IMMP2L: variants seen among roughly 807,000 people sequenced by gnomAD.
The protein encoded by IMMP2L is mitochondrial inner membrane protease subunit 2.
A neutral mutation model predicts 19.3 loss-of-function variants in IMMP2L; 18 were observed. The observed-to-expected ratio is 0.93, with a 90% CI of 0.64 to 1.38. IMMP2L has a LOEUF of 1.38. Among genes scored for constraint, IMMP2L ranks in the 40% most tolerant of loss-of-function variants. IMMP2L has a pLI of 0.00. For synonymous variants in IMMP2L, 76 were observed against 73.0 expected (o/e 1.04, Z -0.21); for missense variants, 233 against 218.2 (o/e 1.07, Z -0.43).
At chr7:111,117,076 G>T (rs1799965263) in intron 3 of IMMP2L, among the ~76,000 whole-genome samples, 1 of 151,600 alleles carries the variant, frequency 6.6e-6, no homozygotes, top group South Asian at 2.1e-4. Context: ...AGAAATAATG[G>T]CAGGTAACTA....
chr7:111,336,398 G>A (rs1172579993), intron 3 of IMMP2L, among the ~76,000 whole-genome samples: 1 of 151,804 alleles, frequency 6.6e-6, no homozygotes, highest in Non-Finnish European at 1.5e-5. Flanking sequence ...AATATTATGT[G>A]TTTAAAATGT....
chr7:111,368,543 G>A (rs1266749363), intron 3 of IMMP2L, among the ~76,000 whole-genome samples: 2 of 151,870 alleles, frequency 1.3e-5, no homozygotes, highest in African/African-American at 4.8e-5. Flanking sequence ...GAAAGTTCTT[G>A]CTACCAAGAC....
intron 3 of IMMP2L, among the ~76,000 whole-genome samples, chr7:111,445,236 G>C (rs1838207641): frequency 6.6e-6 from 1 of 151,874 alleles, no homozygotes; most frequent in Non-Finnish European, 1.5e-5. Context: ...CATTGTTTTG[G>C]GCAGACAAAC....
intron 5 of IMMP2L, among the ~76,000 whole-genome samples, chr7:110,808,259 C>A (rs1461917850): frequency 6.6e-6 from 1 of 151,938 alleles, no homozygotes; most frequent in African/African-American, 2.4e-5. Flanking sequence ...TGTTCCAATA[C>A]CCTAGCCCAC....
chr7:111,149,301 C>T (rs1342764336), intron 3 of IMMP2L, among the ~76,000 whole-genome samples: 1 of 152,096 alleles, frequency 6.6e-6, no homozygotes, highest in Non-Finnish European at 1.5e-5. Context: ...ATGAAAAACA[C>T]TGATATTGAA....
At chr7:111,148,909 G>A (rs1034956363) in intron 3 of IMMP2L, among the ~76,000 whole-genome samples, 5 of 152,034 alleles carry the variant, frequency 3.3e-5, no homozygotes, top group Non-Finnish European at 7.4e-5. Context: ...GCTATTCTAT[G>A]AGGTTGGGAC....
chr7:111,540,256 T>C (rs760812997), intron 1 of IMMP2L, among the ~76,000 whole-genome samples: 1 of 152,160 alleles, frequency 6.6e-6, no homozygotes, highest in African/African-American at 2.4e-5. Context: ...TCATAAAACA[T>C]CCAGAAGACC....
At chr7:111,209,933 C>T (rs1299695689) in intron 3 of IMMP2L, among the ~76,000 whole-genome samples, 1 of 152,102 alleles carries the variant, frequency 6.6e-6, no homozygotes, top group Non-Finnish European at 1.5e-5. Flanking sequence ...TGCCTATTAG[C>T]CCTGTTCCAG....
chr7:111,284,976 C>T (rs944185595), intron 3 of IMMP2L, among the ~76,000 whole-genome samples: 12 of 152,104 alleles, frequency 7.9e-5, no homozygotes, highest in African/African-American at 2.7e-4. Context: ...GAAACAAGGA[C>T]TGATGAGGCT....
intron 3 of IMMP2L, among the ~76,000 whole-genome samples, chr7:111,410,304 C>A (rs904431345): frequency 6.6e-6 from 1 of 151,604 alleles, no homozygotes; most frequent in Non-Finnish European, 1.5e-5. Flanking sequence ...TTGAAAAGCA[C>A]AAAAATAGCC....
At chr7:111,190,786 T>G (rs1010627663) in intron 3 of IMMP2L, among the ~76,000 whole-genome samples, 8 of 152,118 alleles carry the variant, frequency 5.3e-5, no homozygotes, top group Non-Finnish European at 7.4e-5. Flanking sequence ...CGAAGGTAGG[T>G]TGGTAAGCAG....
intron 3 of IMMP2L, among the ~76,000 whole-genome samples, chr7:111,264,870 T>C (rs1817670438): frequency 6.6e-6 from 1 of 152,106 alleles, no homozygotes; most frequent in South Asian, 2.1e-4. Flanking sequence ...CATGATATGC[T>C]GTAGGGCAGG....
At chr7:110,889,871 A>G (rs1343393650) in intron 4 of IMMP2L, among the ~76,000 whole-genome samples, 2 of 152,196 alleles carry the variant, frequency 1.3e-5, no homozygotes, top group Non-Finnish European at 2.9e-5. Flanking sequence ...TTCTATAGAT[A>G]AAAGTGGCAT....
At chr7:110,695,642 G>A (rs367877549) in intron 5 of IMMP2L, among the ~76,000 whole-genome samples, 2 of 152,150 alleles carry the variant, frequency 1.3e-5, no homozygotes, top group Non-Finnish European at 2.9e-5. Context: ...GAGTAGAGGA[G>A]GGAGCGGCAG....
At chr7:111,272,458 T>G (rs1436375256) in intron 3 of IMMP2L, among the ~76,000 whole-genome samples, 1 of 152,178 alleles carries the variant, frequency 6.6e-6, no homozygotes, top group African/African-American at 2.4e-5. Context: ...TTAAACACAC[T>G]GAAAATTACT....
At chr7:111,514,559 T>C (rs1351172163) in intron 2 of IMMP2L, among the ~76,000 whole-genome samples, 1 of 152,126 alleles carries the variant, frequency 6.6e-6, no homozygotes, top group Non-Finnish European at 1.5e-5. Context: ...ATATATGTAA[T>C]TGTTGCCAGT....
At chr7:111,051,556 G>A (rs1793008527) in intron 3 of IMMP2L, among the ~76,000 whole-genome samples, 2 of 152,112 alleles carry the variant, frequency 1.3e-5, no homozygotes, top group South Asian at 4.1e-4. Context: ...CAAAAATTCT[G>A]AAATTCACTA....
At chr7:110,838,824 T>C (rs1416585149) in intron 5 of IMMP2L, among the ~76,000 whole-genome samples, 13 of 152,182 alleles carry the variant, frequency 8.5e-5, no homozygotes, top group African/African-American at 2.9e-4. Flanking sequence ...TTCTAATATA[T>C]ACATGGAACA....
chr7:111,011,905 A>G (rs1489361328), intron 3 of IMMP2L, among the ~76,000 whole-genome samples: 2 of 152,008 alleles, frequency 1.3e-5, no homozygotes, highest in Non-Finnish European at 2.9e-5. Context: ...TGACATTGCC[A>G]TTTCCTGCCA....
Sources: gnomAD v4.1 joint callset for allele counts (sites outside exome capture counted in the v4.1 genomes callset) on GRCh38, gnomAD v4.1.1 for gene constraint, MANE v1.5 for transcripts, NCBI Gene and HGNC (gene_info 2026-07-23, HGNC 2026-07-21) for gene names.